Variants in LGMN observed in about 807,000 individuals in gnomAD.
LGMN encodes legumain.
A neutral mutation model predicts 56.8 loss-of-function variants in LGMN; 36 were observed. That is an observed-to-expected ratio of 0.63 (90% CI 0.49 to 0.84). The LOEUF (loss-of-function observed/expected upper bound fraction) is 0.84, where lower values mean the gene tolerates loss of function less well. Ranked by LOEUF, LGMN falls within the 40% of genes least tolerant of loss-of-function variation. The pLI, the probability that LGMN is intolerant of heterozygous loss-of-function variation, is 0.00. For synonymous variants in LGMN, 199 were observed against 210.1 expected, an observed-to-expected ratio of 0.95 and a Z score of 0.46; for missense variants, 446 against 556.1, an observed-to-expected ratio of 0.80 and a Z score of 1.99.
chr14:92,716,195 A>G lies in LGMN; in HGVS notation c.345T>C (p.Ala115=), dbSNP rs758605638. Residue 115 remains alanine, a synonymous_variant, in exon 5 of 14, where the codon GCT becomes GCC. Transcript: ENST00000334869. ...GEDVTPQNFL[A]VLRGDAEAVK... Reference sequence around the variant, plus strand: ...CTGCTTCTGCATCGCCTCTCAACACAGCAAGGAAATTTTGTGGGGTAACAT... The same window carrying G: ...CTGCTTCTGCATCGCCTCTCAACACGGCAAGGAAATTTTGTGGGGTAACAT... The G allele has an allele frequency of 2.1e-5, 34 of 1,613,468 alleles. No homozygotes were observed. In the South Asian group the frequency reaches 3.1e-4, roughly 15 times the overall value.
chr14:92,721,293 T>A (rs1230558835), intron 2 of LGMN, among the ~76,000 whole-genome samples: 1 of 152,170 alleles, frequency 6.6e-6, no homozygotes, highest in African/African-American at 2.4e-5. Context: ...TGACCCTTGT[T>A]GGCATTGAGG....
In LGMN at chr14:92,704,155, G is replaced by A; in HGVS notation, c.*164C>T. On this transcript the variant is annotated 3_prime_UTR_variant, in exon 14 of 14. Transcript: ENST00000334869. ...GAAAAGACTGGGGAAGCAGGTAACA[G>A]CGAGCAAGTCATCTTGTGAAGAAGG... is the stretch of plus-strand genomic sequence containing the variant. 1 of 821,940 alleles carries A rather than the reference G, an allele frequency of 1.2e-6. No homozygotes were observed. Among genetic ancestry groups the A allele is most frequent in the Non-Finnish European group, 2.1e-6 (1 of 477,820 alleles). The allele number at this position is 821,940 out of a possible 1,614,324, so 50.9% of individuals were successfully genotyped here. A position where few individuals can be genotyped will look rare whatever the true frequency, so the allele number is the denominator to read the frequency against.
intron 2 of LGMN, among the ~76,000 whole-genome samples, chr14:92,720,789 G>T (rs953813119): frequency 1.3e-5 from 2 of 152,238 alleles, no homozygotes; most frequent in Non-Finnish European, 2.9e-5. Context: ...GGGTTATTAA[G>T]ATAGCGGATG....
intron 2 of LGMN, among the ~76,000 whole-genome samples, chr14:92,720,645 C>A (rs1351804687): frequency 1.3e-5 from 2 of 152,172 alleles, no homozygotes; most frequent in Non-Finnish European, 2.9e-5. Context: ...CCAGCCTGGG[C>A]AACAAGAGCA....
intron 2 of LGMN, among the ~76,000 whole-genome samples, chr14:92,721,076 G>A (rs543872284): frequency 6.6e-6 from 1 of 152,200 alleles, no homozygotes; most frequent in South Asian, 2.1e-4. Context: ...ATGTTCTGTA[G>A]AGTCAGGGTC....
At chr14:92,744,896 T>C (rs1053529340) in intron 1 of LGMN, among the ~76,000 whole-genome samples, 1 of 152,064 alleles carries the variant, frequency 6.6e-6, no homozygotes, top group African/African-American at 2.4e-5. Context: ...GCCTGGCCTA[T>C]CTTTTAGTAT....
At chr14:92,744,160 A>G (rs1263192722) in intron 1 of LGMN, among the ~76,000 whole-genome samples, 1 of 150,614 alleles carries the variant, frequency 6.6e-6, no homozygotes, top group African/African-American at 2.4e-5. Context: ...TCCAAAAAGA[A>G]AAAAAAAAAG....
intron 1 of LGMN, among the ~76,000 whole-genome samples, chr14:92,746,007 G>C (rs1249011076): frequency 6.6e-6 from 1 of 152,084 alleles, no homozygotes; most frequent in South Asian, 2.1e-4. Flanking sequence ...TTTTTTAGTA[G>C]ATACGGGGTT....
chr14:92,718,108 C>T (rs938735127), intron 3 of LGMN, among the ~76,000 whole-genome samples: 7 of 152,214 alleles, frequency 4.6e-5, no homozygotes, highest in African/African-American at 1.4e-4. Flanking sequence ...AAACATTCTA[C>T]GTGCAGGTCC....
intron 2 of LGMN, among the ~76,000 whole-genome samples, chr14:92,723,140 G>A (rs1392740228): frequency 2.6e-5 from 4 of 151,792 alleles, no homozygotes; most frequent in South Asian, 4.2e-4. Context: ...TCCGCCTCCC[G>A]GGTGCAAGCG....
At chr14:92,711,508 C>T in intron 10 of LGMN, 151 bp downstream of exon 10, 2 of 743,934 alleles carry the variant, frequency 2.7e-6, no homozygotes, top group Admixed American at 2.2e-5. Context: ...CCACAGGTCC[C>T]CAGGATGGAG....
intron 2 of LGMN, among the ~76,000 whole-genome samples, chr14:92,729,231 G>C (rs1357625204): frequency 6.8e-6 from 1 of 147,852 alleles, no homozygotes; most frequent in Non-Finnish European, 1.5e-5. Context: ...CCCTCTCCCA[G>C]GTCTGCCTCT....
Position 92,728,654 on chromosome 14 carries a change from T to G in LGMN, c.138+3995A>C, listed in dbSNP as rs547483477. ...AATAAACCTTAACATGTTAAATTTT[T>G]AATACAAAAAAAGGAAACTATTTTA... On this transcript the variant is annotated intron_variant, in intron 2 of 13. Coordinates refer to ENST00000334869, the MANE Select transcript of LGMN (RefSeq NM_005606.7). 1.5e-3 allele frequency among the ~76,000 whole-genome samples: 223 copies of G among 152,310 alleles called. 1 individual carries two copies. Among genetic ancestry groups the G allele is most frequent in the African/African-American group, 5.2e-3 (217 of 41,556 alleles).
intron 2 of LGMN, among the ~76,000 whole-genome samples, chr14:92,728,825 C>T (rs910004810): frequency 1.6e-4 from 24 of 152,166 alleles, no homozygotes; most frequent in Admixed American, 2.6e-4. Flanking sequence ...GTTACCCAGC[C>T]TTTCTGTGCC....
chr14:92,710,803 C>T (rs1217958313), intron 10 of LGMN, among the ~76,000 whole-genome samples: 1 of 152,204 alleles, frequency 6.6e-6, no homozygotes, highest in African/African-American at 2.4e-5. Flanking sequence ...CTTTCCCTGG[C>T]CGTCCCTCTG....
At chr14:92,707,774 TA>T (rs1889518210) in intron 11 of LGMN, among the ~76,000 whole-genome samples, 1 of 152,260 alleles carries the variant, frequency 6.6e-6, no homozygotes, top group Non-Finnish European at 1.5e-5. Context: ...ATGCAATAGT[TA>T]AACAGTCTTG....
chr14:92,721,957 T>C (rs1595544808), intron 2 of LGMN, among the ~76,000 whole-genome samples: 1 of 152,148 alleles, frequency 6.6e-6, no homozygotes, highest in South Asian at 2.1e-4. Flanking sequence ...CTTGGGAACA[T>C]AGTGAAAAAA....
At position 92,710,014 on chromosome 14, in the gene LGMN, G is replaced by A. The variant is rs185465770; in HGVS notation, c.820-142C>T. 14 of 631,576 alleles carry A rather than the reference G, an allele frequency of 2.2e-5. No individual in the cohort carries two copies. In the Admixed American group the frequency reaches 3.0e-4, roughly 13 times the overall value. 39.1% of individuals were successfully genotyped at this position (631,576 alleles called of 1,614,324 possible). On this transcript the variant is annotated intron_variant, in intron 10 of 13. Transcript: ENST00000334869. ...TACCCCAAGTCCAGCCTCTCCCTCA[G>A]AGGCTCACATTTACTCCTCATGCTT...
chr14:92,738,677 T>C (rs1416854327), intron 1 of LGMN, among the ~76,000 whole-genome samples: 1 of 152,076 alleles, frequency 6.6e-6, no homozygotes, highest in East Asian at 1.9e-4. Flanking sequence ...ACTACAACGC[T>C]ATATTAAAAG....
Sources: gnomAD v4.1 joint callset for allele counts (sites outside exome capture counted in the v4.1 genomes callset) on GRCh38, gnomAD v4.1.1 for gene constraint, MANE v1.5 for transcripts, NCBI Gene and HGNC (gene_info 2026-07-23, HGNC 2026-07-21) for gene names.